The following RPH3AL variants were observed in gnomAD, a reference collection of about 807,000 sequenced individuals.
The protein encoded by RPH3AL is rabphilin 3A like (without C2 domains), also known as rab effector Noc2.
RPH3AL carries 38 observed loss-of-function variants against 43.1 expected under a neutral mutation model. The ratio of observed to expected loss-of-function variants is 0.88; its 90% CI spans 0.68 to 1.15. The LOEUF (loss-of-function observed/expected upper bound fraction) is 1.15, where lower values mean the gene tolerates loss of function less well. Among genes scored for constraint, RPH3AL ranks in the 50% most tolerant of loss-of-function variants. The pLI is 0.00. For missense variants in RPH3AL, 462 were observed against 423.2 expected (o/e 1.09, Z -0.81); for synonymous variants, 189 against 176.3 (o/e 1.07, Z -0.57).
chr17:265,179 G>A (rs1182925618), intron 6 of RPH3AL, among the ~76,000 whole-genome samples: 4 of 152,128 alleles, frequency 2.6e-5, no homozygotes, highest in African/African-American at 9.7e-5. Flanking sequence ...CTCCACCTCC[G>A]AGGCTCAATC....
chr17:293,592 G>A (rs114096377), intron 5 of RPH3AL, among the ~76,000 whole-genome samples: 2,096 of 152,258 alleles, frequency 0.014, 49 homozygotes, highest in African/African-American at 0.047. Context: ...GGCAGGACAC[G>A]GGAAACAGGA....
chr17:315,061 G>A (rs2043896820), intron 5 of RPH3AL, among the ~76,000 whole-genome samples: 1 of 142,416 alleles, frequency 7.0e-6, no homozygotes, highest in East Asian at 2.1e-4. Context: ...CCACTGAACT[G>A]TAGTCCCTGT....
At chr17:296,961 T>A (rs777153048) in intron 5 of RPH3AL, among the ~76,000 whole-genome samples, 4 of 152,074 alleles carry the variant, frequency 2.6e-5, no homozygotes, top group Non-Finnish European at 4.4e-5. Context: ...TGGGGCATTG[T>A]GTGAGGACAA....
intron 5 of RPH3AL, among the ~76,000 whole-genome samples, chr17:302,238 G>A (rs372100340): frequency 9.8e-5 from 15 of 152,328 alleles, no homozygotes; most frequent in South Asian, 6.2e-4. Context: ...AGAGTCTCTC[G>A]TCCAGCCTTT....
At chr17:313,054 G>A (rs2043682812) in intron 5 of RPH3AL, among the ~76,000 whole-genome samples, 1 of 152,198 alleles carries the variant, frequency 6.6e-6, no homozygotes, top group Non-Finnish European at 1.5e-5. Context: ...GCTGCTCAGG[G>A]TGGACCAAGC....
intron 6 of RPH3AL, among the ~76,000 whole-genome samples, chr17:273,295 CGTCAGGGAGAGACCCCAGCGAGGGTGAT>C (rs2042558619): frequency 1.8e-4 from 7 of 39,956 alleles, no homozygotes; most frequent in Admixed American, 2.6e-4. Context: ...GCGAGGGTGA[CGTCAGGGAGAGACCCCAGCGAGGGTGAT>C]GTCAGGGAGA....
At chr17:292,529 C>T (rs182814037) in intron 5 of RPH3AL, among the ~76,000 whole-genome samples, 1 of 152,268 alleles carries the variant, frequency 6.6e-6, no homozygotes, top group Admixed American at 6.5e-5. Context: ...GGATCTGAGA[C>T]TTGAGGTTAA....
chr17:315,841 A>C (rs1598102618), intron 5 of RPH3AL, among the ~76,000 whole-genome samples: 9 of 124,742 alleles, frequency 7.2e-5, no homozygotes, highest in Admixed American at 1.7e-4. Context: ...CTGTGCCCCC[A>C]CCTCCATTGA....
chr17:347,243 G>A lies in RPH3AL; in HGVS notation c.-213+5469C>T, dbSNP rs1360179179. Among the ~76,000 whole-genome samples the A allele has an allele frequency of 1.3e-5, 2 of 150,268 alleles. 1 individual carries two copies. Among genetic ancestry groups the A allele is most frequent in the Non-Finnish European group, 3.0e-5 (2 of 67,482 alleles). On this transcript the variant is annotated intron_variant, in intron 1 of 9. Coordinates refer to ENST00000331302, the MANE Select transcript of RPH3AL (RefSeq NM_006987.4). ...ACTGTGCTCCAGCCTAGGCAACAGA[G>A]CGAGACTCCGTCCCAGATTTTAAAA... is the stretch of plus-strand genomic sequence containing the variant.
intron 6 of RPH3AL, chr17:247,704 T>A (rs2041800370): frequency 5.8e-6 from 1 of 172,670 alleles, no homozygotes; most frequent in East Asian, 1.7e-4. Context: ...GATCTCAATA[T>A]GGGCCTGGCA....
rs1429508853 is a variant in RPH3AL, at chr17:281,618, C to G, written c.438+150G>C. The G allele has an allele frequency of 4.7e-6, 3 of 639,064 alleles. No homozygotes were observed. The African/African-American group carries it at 5.5e-5, about 12-fold the overall frequency. 39.6% of individuals were successfully genotyped at this position (639,064 alleles called of 1,614,324 possible). A position where few individuals can be genotyped will look rare whatever the true frequency, so the allele number is the denominator to read the frequency against. ...AGTTCTTCCTTGACTTCTGGAGAAA[C>G]CCCTCCCAGTGACTGTCCACCCATC... On this transcript the variant is annotated intron_variant, in intron 6 of 9. Transcript: ENST00000331302.
At chr17:291,777 T>C (rs1039705785) in intron 5 of RPH3AL, among the ~76,000 whole-genome samples, 2 of 152,158 alleles carry the variant, frequency 1.3e-5, no homozygotes, top group African/African-American at 4.8e-5. Context: ...ATATTCACCA[T>C]AAGCTGTTAA....
intron 7 of RPH3AL, among the ~76,000 whole-genome samples, chr17:223,911 C>T (rs774139269): frequency 9.9e-5 from 15 of 151,232 alleles, no homozygotes; most frequent in East Asian, 3.9e-4. Context: ...CCCAACAGAG[C>T]GGCCAGCACA....
rs543749714 is a variant in RPH3AL at position 298,390 on chromosome 17, G to A, written c.352-16536C>T. Among the ~76,000 whole-genome samples, 4 of 152,288 alleles carry A rather than the reference G, an allele frequency of 2.6e-5. No individual in the cohort carries two copies. The East Asian group carries it at 7.7e-4, about 29-fold the overall frequency. ...TCCCTGTGTTCGTTCCCATGCCTGG[G>A]ATACAGTCAACAGTCTCCAAGCCAG... On this transcript the variant is annotated intron_variant, in intron 5 of 9. Transcript: ENST00000331302.
intron 5 of RPH3AL, among the ~76,000 whole-genome samples, chr17:299,685 G>C (rs1412826160): frequency 6.6e-6 from 1 of 152,264 alleles, no homozygotes; most frequent in Non-Finnish European, 1.5e-5. Context: ...GTGCCAGCTT[G>C]CAGGGCACGG....
chr17:247,310 G>A, intron 6 of RPH3AL, 25 bp from the exon 7 acceptor site: 2 of 1,541,470 alleles, frequency 1.3e-6, no homozygotes, highest in Non-Finnish European at 1.7e-6. Context: ...AGAGCTGCTT[G>A]GGGCACAGGA....
chr17:238,169 AAGAGAG>A (rs55813025), intron 7 of RPH3AL, among the ~76,000 whole-genome samples: 6 of 148,542 alleles, frequency 4.0e-5, no homozygotes, highest in African/African-American at 7.5e-5. Context: ...AGAAGAGAGA[AAGAGAG>A]AGAGAGAGAA....
At chr17:324,044 C>G (rs2044550817) in intron 3 of RPH3AL, among the ~76,000 whole-genome samples, 1 of 150,314 alleles carries the variant, frequency 6.7e-6, no homozygotes, top group Admixed American at 6.6e-5. Flanking sequence ...CCCTGTAAGG[C>G]CCAGACCCTC....
intron 4 of RPH3AL, among the ~76,000 whole-genome samples, chr17:320,554 G>A (rs917768703): frequency 5.3e-5 from 8 of 152,032 alleles, no homozygotes; most frequent in African/African-American, 1.2e-4. Flanking sequence ...TGGGGAGGTC[G>A]CTTGAGCCCA....
Sources: gnomAD v4.1 joint callset for allele counts (sites outside exome capture counted in the v4.1 genomes callset) on GRCh38, gnomAD v4.1.1 for gene constraint, MANE v1.5 for transcripts, NCBI Gene and HGNC (gene_info 2026-07-23, HGNC 2026-07-21) for gene names.